The following RB1 variants were observed in gnomAD, a reference collection of about 807,000 sequenced individuals.
The protein encoded by RB1 is RB transcriptional corepressor 1, also known as retinoblastoma-associated protein.
Under a neutral mutation model 135.4 loss-of-function variants are expected in RB1, and 18 were observed. That is an observed-to-expected ratio of 0.13 (90% CI 0.09 to 0.20). RB1 has a LOEUF of 0.20. RB1 is among the 10% of genes least tolerant of loss of function. The pLI is 1.00. For missense variants in RB1, 868 were observed against 1,110.0 expected (o/e 0.78, Z 3.10); for synonymous variants, 365 against 373.2 (o/e 0.98, Z 0.25).
rs1378776255 is a variant in RB1 at position 48,412,020 on chromosome 13, A to G, written c.1695+30577A>G. The G allele has an allele frequency of 3.1e-6, 5 of 1,612,948 alleles. 1 individual carries two copies. The South Asian group carries it at 5.5e-5, about 18-fold the overall frequency. On this transcript the variant is annotated intron_variant, in intron 17 of 26. Transcript: ENST00000267163. ...AGTTAACCACACGCCAGTGCAAACA[A>G]TCTTTGCATTTCTTTTGGTTCTTAG...
At chr13:48,388,929 G>A (rs1247580235) in intron 17 of RB1, among the ~76,000 whole-genome samples, 1 of 152,100 alleles carries the variant, frequency 6.6e-6, no homozygotes, top group Non-Finnish European at 1.5e-5. Flanking sequence ...GGAGGCTGAG[G>A]CAGGTGGATC....
chr13:48,376,432 G>A (rs1023917782), intron 12 of RB1, among the ~76,000 whole-genome samples: 12 of 151,352 alleles, frequency 7.9e-5, no homozygotes, highest in Non-Finnish European at 1.3e-4. Context: ...CTTGGGAGGC[G>A]GAGGTTGCAG....
intron 2 of RB1, among the ~76,000 whole-genome samples, chr13:48,337,616 G>A (rs1188672218): frequency 1.3e-5 from 2 of 152,112 alleles, no homozygotes; most frequent in Admixed American, 6.5e-5. Flanking sequence ...ACACTGATGG[G>A]TCTTGACTCT....
intron 2 of RB1, among the ~76,000 whole-genome samples, chr13:48,332,471 A>C (rs1452340000): frequency 6.6e-6 from 1 of 152,094 alleles, no homozygotes; most frequent in Admixed American, 6.6e-5. Flanking sequence ...TGGGACTCTG[A>C]GGTAGGAGGA....
At chr13:48,350,560 A>C (rs907502194) in intron 6 of RB1, among the ~76,000 whole-genome samples, 3 of 152,196 alleles carry the variant, frequency 2.0e-5, no homozygotes, top group African/African-American at 7.2e-5. Flanking sequence ...CCTACATCCC[A>C]AAAGAGGAAA....
chr13:48,398,054 T>G (rs1348225291), intron 17 of RB1, among the ~76,000 whole-genome samples: 2 of 152,182 alleles, frequency 1.3e-5, no homozygotes, highest in Admixed American at 6.6e-5. Flanking sequence ...TAACACTTTT[T>G]AAAAGCATGG....
At chr13:48,360,879 A>G (rs1425844547) in intron 7 of RB1, 1 of 152,102 alleles carries the variant, frequency 6.6e-6, no homozygotes, top group African/African-American at 2.4e-5. Context: ...GAAATGATGA[A>G]AGTATTAATG....
chr13:48,397,014 T>C (rs1593466242), intron 17 of RB1, among the ~76,000 whole-genome samples: 1 of 152,158 alleles, frequency 6.6e-6, no homozygotes, highest in Admixed American at 6.5e-5. Context: ...GGAGAGGCTG[T>C]GGAGTAATAG....
intron 26 of RB1, among the ~76,000 whole-genome samples, chr13:48,478,941 C>T (rs915583307): frequency 6.6e-6 from 1 of 152,062 alleles, no homozygotes; most frequent in Non-Finnish European, 1.5e-5. Context: ...CATGGCCATG[C>T]CCCGGGTAGG....
At chr13:48,459,886 A>ATTTCTTTCTTTTCTTTCTTCTTTCT (rs11405303) in intron 20 of RB1, 53 bp downstream of exon 20, 2 of 1,007,104 alleles carry the variant, frequency 2.0e-6, no homozygotes, top group African/African-American at 5.0e-5. Context: ...TTGTTAACTG[A>ATTTCTTTCTTTTCTTTCTTCTTTCT]TTCTTTCTTT....
intron 17 of RB1, chr13:48,411,689 G>A (rs1400281134): frequency 8.7e-6 from 14 of 1,608,788 alleles, no homozygotes; most frequent in Admixed American, 1.7e-5. Context: ...GATTGATATT[G>A]TAAGGAACAA....
chr13:48,422,504 T>TA (rs1173331988), intron 17 of RB1: 2 of 152,256 alleles, frequency 1.3e-5, no homozygotes, highest in East Asian at 3.8e-4. Context: ...TCCCAATACT[T>TA]AAAGTATAAT....
intron 6 of RB1, among the ~76,000 whole-genome samples, chr13:48,353,458 C>T (rs766757397): frequency 6.6e-5 from 10 of 151,982 alleles, no homozygotes; most frequent in Non-Finnish European, 1.2e-4. Context: ...AATAAAGTCT[C>T]CTAGTAAAGA....
intron 13 of RB1, among the ~76,000 whole-genome samples, chr13:48,379,115 T>C (rs1222708187): frequency 6.6e-6 from 1 of 152,202 alleles, no homozygotes; most frequent in African/African-American, 2.4e-5. Flanking sequence ...TGAAAATACA[T>C]GTCCTAGGTC....
intron 2 of RB1, among the ~76,000 whole-genome samples, chr13:48,332,728 C>G (rs961277875): frequency 1.1e-4 from 17 of 152,150 alleles, no homozygotes; most frequent in African/African-American, 4.1e-4. Context: ...AAAATGGTGA[C>G]TATGTGAAGT....
At chr13:48,440,021 G>C (rs1325899527) in intron 17 of RB1, among the ~76,000 whole-genome samples, 1 of 152,036 alleles carries the variant, frequency 6.6e-6, no homozygotes, top group Non-Finnish European at 1.5e-5. Flanking sequence ...AGAAGTATCA[G>C]GAATAGGGTA....
At chr13:48,419,529 C>G (rs2138235261) in intron 17 of RB1, among the ~76,000 whole-genome samples, 1 of 152,172 alleles carries the variant, frequency 6.6e-6, no homozygotes, top group Non-Finnish European at 1.5e-5. Flanking sequence ...TAAGAAATAA[C>G]CAAGGTCAGA....
chr13:48,395,713 C>T (rs1948642609), intron 17 of RB1, among the ~76,000 whole-genome samples: 1 of 152,006 alleles, frequency 6.6e-6, no homozygotes, highest in Non-Finnish European at 1.5e-5. Flanking sequence ...ACAAAGCCTC[C>T]AAGAAATAGG....
chr13:48,328,616 G>T, intron 2 of RB1: 1 of 602,474 alleles, frequency 1.7e-6, no homozygotes, highest in African/African-American at 1.9e-5. Flanking sequence ...AATACAAGTT[G>T]GGATATAAAT....
Sources: allele counts gnomAD v4.1 joint callset (sites outside exome capture counted in the v4.1 genomes callset), GRCh38; gene constraint gnomAD v4.1.1; transcripts MANE v1.5; gene names NCBI Gene and HGNC (gene_info 2026-07-23, HGNC 2026-07-21).